Variants in TTLL7 observed in about 807,000 individuals in gnomAD.
The protein encoded by TTLL7 is tubulin polyglutamylase TTLL7.
Under a neutral mutation model 120.2 loss-of-function variants are expected in TTLL7, and 53 were observed. That is an observed-to-expected ratio of 0.44 (90% CI 0.35 to 0.55). TTLL7 has a LOEUF of 0.55. Ranked by LOEUF, TTLL7 falls within the 20% of genes least tolerant of loss-of-function variation. The pLI is 0.00. For synonymous variants in TTLL7, 353 were observed against 351.7 expected, an observed-to-expected ratio of 1.00 and a Z score of -0.04; for missense variants, 803 against 1,054.7, an observed-to-expected ratio of 0.76 and a Z score of 3.31.
At chr1:83,964,614 T>C (rs1650289924) in intron 1 of TTLL7, among the ~76,000 whole-genome samples, 1 of 152,190 alleles carries the variant, frequency 6.6e-6, no homozygotes, top group Non-Finnish European at 1.5e-5. Context: ...CTTCAACGTA[T>C]ACATTTTTCT....
In TTLL7 at chr1:83,865,763, C is replaced by T. The variant is rs931924952; in HGVS notation, c.*4199G>A. 2.6e-5 allele frequency: 4 copies of T among 151,862 alleles called. No homozygotes were observed. Among genetic ancestry groups the T allele is most frequent in the African/African-American group, 7.2e-5 (3 of 41,392 alleles). 9.4% of individuals were successfully genotyped at this position (151,862 alleles called of 1,614,324 possible). A position where few individuals can be genotyped will look rare whatever the true frequency, so the allele number is the denominator to read the frequency against. ...ATTTTATGTTTTATTATTGCTGAGG[C>T]AAAATCACACCACCATAAAATGCAA... On this transcript the variant is annotated 3_prime_UTR_variant, in exon 21 of 21. Coordinates refer to ENST00000260505, the MANE Select transcript of TTLL7 (RefSeq NM_024686.6).
chr1:83,971,693 T>G (rs1451206703), intron 1 of TTLL7, among the ~76,000 whole-genome samples: 2 of 152,036 alleles, frequency 1.3e-5, no homozygotes, highest in Non-Finnish European at 2.9e-5. Context: ...TGCAGGTCAT[T>G]CAGACTTACC....
intron 20 of TTLL7, chr1:83,879,992 G>A (rs1654301401): frequency 6.6e-6 from 1 of 152,016 alleles, no homozygotes; most frequent in Admixed American, 6.6e-5. Flanking sequence ...ATCTAGAATT[G>A]TGGGAATGAC....
chr1:83,983,149 T>G (rs993710495), intron 1 of TTLL7, among the ~76,000 whole-genome samples: 1 of 151,952 alleles, frequency 6.6e-6, no homozygotes, highest in African/African-American at 2.4e-5. Flanking sequence ...CTGGGCAACA[T>G]GGTGAAACCC....
At chr1:83,952,715 C>T (rs1245412422) in intron 1 of TTLL7, among the ~76,000 whole-genome samples, 7 of 152,168 alleles carry the variant, frequency 4.6e-5, no homozygotes, top group African/African-American at 1.2e-4. Flanking sequence ...TTATATTATA[C>T]CATTTAATCT....
chr1:83,884,086 A>G (rs952365475), intron 19 of TTLL7, among the ~76,000 whole-genome samples: 4 of 151,630 alleles, frequency 2.6e-5, no homozygotes, highest in Non-Finnish European at 5.9e-5. Context: ...CCATCATGGC[A>G]TCATGGTTTA....
At chr1:83,951,128 T>C (rs1257204682) in intron 3 of TTLL7, among the ~76,000 whole-genome samples, 1 of 152,090 alleles carries the variant, frequency 6.6e-6, no homozygotes, top group African/African-American at 2.4e-5. Context: ...GGTGGGCGGA[T>C]AACGAGGTCA....
chr1:83,917,198 ATGT>A (rs1249525667), intron 14 of TTLL7, among the ~76,000 whole-genome samples: 1 of 152,008 alleles, frequency 6.6e-6, no homozygotes, highest in Non-Finnish European at 1.5e-5. Context: ...AACAAAATCA[ATGT>A]TGTTAGGTCA....
intron 20 of TTLL7, among the ~76,000 whole-genome samples, chr1:83,875,995 C>G (rs1031461060): frequency 2.0e-5 from 3 of 151,806 alleles, no homozygotes; most frequent in African/African-American, 7.2e-5. Context: ...TTGCATACCT[C>G]AAGGTCATGA....
chr1:83,894,543 T>C (rs1656052378), intron 18 of TTLL7, among the ~76,000 whole-genome samples: 3 of 152,234 alleles, frequency 2.0e-5, no homozygotes, highest in South Asian at 4.2e-4. Context: ...ACTCTGCATA[T>C]ATTTTCTTAA....
intron 1 of TTLL7, among the ~76,000 whole-genome samples, chr1:83,966,603 G>A (rs563625476): frequency 4.9e-4 from 75 of 152,090 alleles, no homozygotes; most frequent in African/African-American, 1.7e-3. Context: ...GAAGGAAATG[G>A]ATGAAGACAG....
intron 1 of TTLL7, among the ~76,000 whole-genome samples, chr1:83,974,526 T>C (rs1651283568): frequency 6.6e-6 from 1 of 152,016 alleles, no homozygotes; most frequent in Admixed American, 6.6e-5. Flanking sequence ...TAAATGTATC[T>C]ACTTAATACA....
chr1:83,952,029 A>G (rs1649115149), intron 2 of TTLL7, 53 bp from the exon 3 acceptor site: 4 of 1,573,850 alleles, frequency 2.5e-6, no homozygotes, highest in Admixed American at 3.6e-5. Context: ...AATCTATACC[A>G]GACAACACAA....
chr1:83,898,931 G>GAA (rs1174383078), intron 18 of TTLL7, among the ~76,000 whole-genome samples: 2 of 151,680 alleles, frequency 1.3e-5, no homozygotes, highest in Non-Finnish European at 2.9e-5. Context: ...GTTTACATTA[G>GAA]AGTTCAATAC....
At chr1:83,890,269 T>G in intron 19 of TTLL7, 52 bp downstream of exon 19, 1 of 1,522,292 alleles carries the variant, frequency 6.6e-7, no homozygotes, top group Non-Finnish European at 8.8e-7. Context: ...TCTCTATAAC[T>G]AAATAGTAAA....
intron 8 of TTLL7, among the ~76,000 whole-genome samples, chr1:83,937,288 A>T (rs1290722380): frequency 6.6e-6 from 1 of 150,930 alleles, no homozygotes; most frequent in Non-Finnish European, 1.5e-5. Context: ...ACTGCAACCT[A>T]CACCTCCTGG....
intron 20 of TTLL7, among the ~76,000 whole-genome samples, chr1:83,874,242 G>C (rs1473676040): frequency 6.6e-6 from 1 of 151,956 alleles, no homozygotes; most frequent in Non-Finnish European, 1.5e-5. Flanking sequence ...TTGTCCATTT[G>C]TGTTTGGCTG....
In TTLL7 at chr1:83,951,741, T is replaced by G. The variant is rs1649073950; in HGVS notation, c.157+104A>C. The G allele has an allele frequency of 1.1e-5, 14 of 1,290,412 alleles. 1 individual carries two copies. The South Asian group carries it at 2.3e-4, about 21-fold the overall frequency. 79.9% of individuals were successfully genotyped at this position (1,290,412 alleles called of 1,614,324 possible). A position where few individuals can be genotyped will look rare whatever the true frequency, so the allele number is the denominator to read the frequency against. ...ATAGAAGGCATTTAAAAATCCATTA[T>G]ATAAAAGATAAGTTATCTCTTTGGA... On this transcript the variant is annotated intron_variant, in intron 3 of 20. Transcript: ENST00000260505.
intron 6 of TTLL7, among the ~76,000 whole-genome samples, chr1:83,944,509 T>C (rs12116857): frequency 0.047 from 6,327 of 135,074 alleles, 151 homozygotes; most frequent in Middle Eastern, 0.11. Context: ...GAGTTCGAGA[T>C]CAGCCTGGCC....
Sources: allele counts gnomAD v4.1 joint callset (sites outside exome capture counted in the v4.1 genomes callset), GRCh38; gene constraint gnomAD v4.1.1; transcripts MANE v1.5; gene names NCBI Gene and HGNC (gene_info 2026-07-23, HGNC 2026-07-21).